PRKCH: variants seen among roughly 807,000 people sequenced by gnomAD.
The protein encoded by PRKCH is protein kinase C eta.
In PRKCH, 28 loss-of-function variants were observed where a neutral mutation model predicts 82.5. The observed-to-expected ratio is 0.34, with a 90% CI of 0.25 to 0.47. PRKCH has a LOEUF of 0.47. Ranked by LOEUF, PRKCH falls within the 20% of genes least tolerant of loss-of-function variation. The pLI is 1.00. For missense variants in PRKCH, 705 were observed against 881.8 expected (o/e 0.80, Z 2.54); for synonymous variants, 322 against 327.4 (o/e 0.98, Z 0.18).
chr14:61,484,479 C>T lies in PRKCH; in HGVS notation c.1279-1023C>T, dbSNP rs759178931. ...TATCTTAGAGGTGCTTGAAGCAAAACGTTTTACACTTAGATAAATCTTGGA... is the reference window on the plus strand; with the variant it reads ...TATCTTAGAGGTGCTTGAAGCAAAATGTTTTACACTTAGATAAATCTTGGA... On this transcript the variant is annotated intron_variant, in intron 9 of 13. Transcript: ENST00000332981. Among the ~76,000 whole-genome samples the T allele has an allele frequency of 4.1e-4, 63 of 151,830 alleles. 2 individuals carry two copies. The highest frequency in any genetic ancestry group is 7.8e-4 in the Non-Finnish European group (53 of 67,988).
At chr14:61,331,938 A>G (rs1411952258) in intron 1 of PRKCH, among the ~76,000 whole-genome samples, 1 of 152,180 alleles carries the variant, frequency 6.6e-6, no homozygotes. Flanking sequence ...TGATGTTGGT[A>G]TTATTTTCTT....
chr14:61,388,276 C>T (rs979735883), intron 1 of PRKCH, among the ~76,000 whole-genome samples: 2 of 152,192 alleles, frequency 1.3e-5, no homozygotes, highest in Non-Finnish European at 2.9e-5. Context: ...TGTCTTACCA[C>T]ATCTGCCCTA....
chr14:61,545,899 A>C (rs938863965), intron 12 of PRKCH, among the ~76,000 whole-genome samples: 9 of 152,180 alleles, frequency 5.9e-5, no homozygotes, highest in Non-Finnish European at 1.0e-4. Flanking sequence ...AGAGTCCTGC[A>C]CTGTTTGTCT....
At chr14:61,220,733 A>T (rs1283833810) in intron 1 of PRKCH, among the ~76,000 whole-genome samples, 1 of 152,214 alleles carries the variant, frequency 6.6e-6, no homozygotes, top group African/African-American at 2.4e-5. Flanking sequence ...TATTCACATC[A>T]TCAACACGGG....
At chr14:61,384,546 C>T (rs2046558800) in intron 1 of PRKCH, among the ~76,000 whole-genome samples, 1 of 152,006 alleles carries the variant, frequency 6.6e-6, no homozygotes, top group Non-Finnish European at 1.5e-5. Context: ...CCCAGGTCTT[C>T]TCTAGCATTG....
rs2043314873 is a variant in PRKCH, at chr14:61,550,754, AAG to A, written c.*925_*926del. 1 of 152,212 alleles carries A rather than the reference AAG, an allele frequency of 6.6e-6. No individual in the cohort carries two copies. Among genetic ancestry groups the A allele is most frequent in the Admixed American group, 6.6e-5 (1 of 15,266 alleles). The allele number at this position is 152,212 out of a possible 1,614,324, so 9.4% of individuals were successfully genotyped here. On this transcript the variant is annotated 3_prime_UTR_variant, in exon 14 of 14. Coordinates refer to ENST00000332981, the MANE Select transcript of PRKCH (RefSeq NM_006255.5). ...CTGTATCGCCGTGTGCTCATCACTG[AAG>A]AATTGCAGGCCACTCATGTCAGTGA...
At chr14:61,219,979 C>G (rs2044642280) in intron 1 of PRKCH, among the ~76,000 whole-genome samples, 1 of 152,142 alleles carries the variant, frequency 6.6e-6, no homozygotes, top group Non-Finnish European at 1.5e-5. Context: ...CCTTGGGAGG[C>G]CTCTGGTATA....
At chr14:61,294,015 C>T (rs370187026) in intron 1 of PRKCH, among the ~76,000 whole-genome samples, 9 of 152,206 alleles carry the variant, frequency 5.9e-5, no homozygotes, top group African/African-American at 1.2e-4. Context: ...TGACAGTTCA[C>T]GTCAGTCAAA....
chr14:61,391,369 TA>T, intron 2 of PRKCH, 81 bp downstream of exon 2: 1 of 1,224,050 alleles, frequency 8.2e-7, no homozygotes. Context: ...ATGGACATTA[TA>T]AAAAAGAGCA....
intron 1 of PRKCH, among the ~76,000 whole-genome samples, chr14:61,239,187 C>T (rs1192444954): frequency 6.6e-6 from 1 of 152,204 alleles, no homozygotes; most frequent in Non-Finnish European, 1.5e-5. Context: ...ACATACTCTT[C>T]CACCCTGCAG....
chr14:61,388,558 C>T (rs994051978), intron 1 of PRKCH, among the ~76,000 whole-genome samples: 3 of 152,130 alleles, frequency 2.0e-5, no homozygotes, highest in African/African-American at 7.2e-5. Flanking sequence ...CCTGTGCCAG[C>T]AGTAGTTTAT....
chr14:61,282,203 A>G (rs2045276798), intron 1 of PRKCH, among the ~76,000 whole-genome samples: 2 of 151,792 alleles, frequency 1.3e-5, no homozygotes, highest in South Asian at 2.1e-4. Context: ...GAAGTAAACT[A>G]CAAGGATTTA....
At chr14:61,277,871 T>C (rs1437134857) in intron 1 of PRKCH, 1 of 152,232 alleles carries the variant, frequency 6.6e-6, no homozygotes, top group Non-Finnish European at 1.5e-5. Context: ...CTATAAAAGA[T>C]GGTTTTCTTG....
At chr14:61,494,147 T>C (rs1471673224) in intron 10 of PRKCH, among the ~76,000 whole-genome samples, 1 of 152,024 alleles carries the variant, frequency 6.6e-6, no homozygotes, top group Non-Finnish European at 1.5e-5. Flanking sequence ...ATGGGCTGAA[T>C]TAAATATTTG....
chr14:61,431,294 A>G (rs1048933001), intron 2 of PRKCH, among the ~76,000 whole-genome samples: 1 of 152,224 alleles, frequency 6.6e-6, no homozygotes, highest in African/African-American at 2.4e-5. Context: ...AGGAAAAACC[A>G]AGGGAGGAGA....
chr14:61,318,634 T>TACTTCTGAAAC (rs1291124005), upstream of PRKCH, among the ~76,000 whole-genome samples: 1 of 152,188 alleles, frequency 6.6e-6, no homozygotes, highest in East Asian at 1.9e-4. Flanking sequence ...TTGTCAGTTC[T>TACTTCTGAAAC]ACTTCTGAAA....
chr14:61,253,101 A>G (rs1212428895), intron 1 of PRKCH, among the ~76,000 whole-genome samples: 1 of 152,258 alleles, frequency 6.6e-6, no homozygotes, highest in Non-Finnish European at 1.5e-5. Flanking sequence ...ACTCTATGAG[A>G]TTAAAAACCA....
chr14:61,533,430 C>T (rs535240120), intron 12 of PRKCH, among the ~76,000 whole-genome samples: 4 of 151,128 alleles, frequency 2.6e-5, no homozygotes, highest in Non-Finnish European at 5.9e-5. Flanking sequence ...GGGACTGAGA[C>T]ATTTAAATAG....
intron 2 of PRKCH, among the ~76,000 whole-genome samples, chr14:61,405,779 T>C (rs1317233019): frequency 6.6e-6 from 1 of 151,246 alleles, no homozygotes; most frequent in Non-Finnish European, 1.5e-5. Flanking sequence ...GGTAAGTAGG[T>C]TGGAGCTCAG....
Sources: allele counts gnomAD v4.1 joint callset (sites outside exome capture counted in the v4.1 genomes callset), GRCh38; gene constraint gnomAD v4.1.1; transcripts MANE v1.5; gene names NCBI Gene and HGNC (gene_info 2026-07-23, HGNC 2026-07-21).